The following CDH13 variants were observed in gnomAD, a reference collection of about 807,000 sequenced individuals.
CDH13 encodes cadherin-13.
Under a neutral mutation model 63.8 loss-of-function variants are expected in CDH13, and 24 were observed. The observed-to-expected ratio is 0.38, with a 90% CI of 0.27 to 0.53. CDH13 has a LOEUF of 0.53. Ranked by LOEUF, CDH13 falls within the 20% of genes least tolerant of loss-of-function variation. The pLI, the probability that CDH13 is intolerant of heterozygous loss-of-function variation, is 0.85. For synonymous variants in CDH13, 503 were observed against 355.3 expected (o/e 1.42, Z -4.67); for missense variants, 1,049 against 903.1 (o/e 1.16, Z -2.07).
At chr16:83,592,882 A>T (rs1906895392) in intron 7 of CDH13, among the ~76,000 whole-genome samples, 1 of 152,238 alleles carries the variant, frequency 6.6e-6, no homozygotes, top group Non-Finnish European at 1.5e-5. Context: ...AACACAAGTC[A>T]AACCAGGCTC....
At chr16:82,669,012 G>T (rs187294113) in intron 1 of CDH13, among the ~76,000 whole-genome samples, 155 of 152,262 alleles carry the variant, frequency 1.0e-3, no homozygotes, top group Non-Finnish European at 1.6e-3. Context: ...TTTTCATATT[G>T]CTCTCATTGC....
intron 6 of CDH13, among the ~76,000 whole-genome samples, chr16:83,434,847 A>ATATG (rs1555548320): frequency 2.5e-5 from 2 of 81,522 alleles, no homozygotes; most frequent in Middle Eastern, 7.6e-3. Context: ...ATATATATAT[A>ATATG]TGTGTGTGCG....
chr16:82,842,129 T>C (rs370949442), intron 1 of CDH13, among the ~76,000 whole-genome samples: 8 of 48,686 alleles, frequency 1.6e-4, no homozygotes, highest in Non-Finnish European at 2.4e-4. Context: ...TATATATATA[T>C]ATATATATAC....
At chr16:83,548,079 G>C (rs1031846273) in intron 7 of CDH13, among the ~76,000 whole-genome samples, 6 of 146,308 alleles carry the variant, frequency 4.1e-5, no homozygotes, top group Non-Finnish European at 9.1e-5. Context: ...CTTGCTGCCA[G>C]ATAGATTGGA....
intron 2 of CDH13, among the ~76,000 whole-genome samples, chr16:83,007,739 A>T (rs764391181): frequency 6.6e-6 from 1 of 151,538 alleles, no homozygotes; most frequent in Non-Finnish European, 1.5e-5. Context: ...TGGGAGGATC[A>T]CTTGAACCCA....
At chr16:82,812,975 A>G (rs879696115) in intron 1 of CDH13, among the ~76,000 whole-genome samples, 8 of 152,132 alleles carry the variant, frequency 5.3e-5, no homozygotes, top group East Asian at 1.9e-4. Context: ...ACTTCAAAAC[A>G]TAAGAGGGAC....
chr16:83,600,302 G>T (rs1907664906), intron 7 of CDH13, among the ~76,000 whole-genome samples: 1 of 152,166 alleles, frequency 6.6e-6, no homozygotes, highest in Non-Finnish European at 1.5e-5. Context: ...GAAACATGAG[G>T]CGTAGAGCCA....
chr16:82,654,403 G>A (rs1300339844), intron 1 of CDH13, among the ~76,000 whole-genome samples: 1 of 152,184 alleles, frequency 6.6e-6, no homozygotes, highest in Non-Finnish European at 1.5e-5. Context: ...ATATAACATT[G>A]TGTGAATGTT....
intron 1 of CDH13, among the ~76,000 whole-genome samples, chr16:82,676,497 T>A (rs1243691372): frequency 6.7e-6 from 1 of 149,740 alleles, no homozygotes; most frequent in African/African-American, 2.5e-5. Flanking sequence ...TTTTTTTTTT[T>A]TTTTTTTTTT....
chr16:82,972,940 C>A (rs1417649385), intron 2 of CDH13, among the ~76,000 whole-genome samples: 1 of 152,136 alleles, frequency 6.6e-6, no homozygotes, highest in Non-Finnish European at 1.5e-5. Flanking sequence ...AGAATCACCA[C>A]TTTATTTTTT....
intron 6 of CDH13, among the ~76,000 whole-genome samples, chr16:83,452,855 A>G (rs912103480): frequency 1.3e-5 from 2 of 152,204 alleles, no homozygotes; most frequent in South Asian, 2.1e-4. Flanking sequence ...TCATATTATT[A>G]GTCTCAGTCA....
chr16:83,031,874 G>A lies in CDH13; in HGVS notation c.158-136G>A, dbSNP rs919884884. 1.0e-5 allele frequency: 7 copies of A among 686,706 alleles called. No individual in the cohort carries two copies. The South Asian group carries it at 1.3e-4, about 13-fold the overall frequency. 42.5% of individuals were successfully genotyped at this position (686,706 alleles called of 1,614,324 possible). On this transcript the variant is annotated intron_variant, in intron 2 of 13. Coordinates refer to ENST00000567109, the MANE Select transcript of CDH13 (RefSeq NM_001257.5). Reference sequence around the variant, plus strand: ...GTCACTTGGGCACAGGCATCTTGCTGTGGGATAAAACGTAACATTTGTGAA... The same window carrying A: ...GTCACTTGGGCACAGGCATCTTGCTATGGGATAAAACGTAACATTTGTGAA...
chr16:82,814,955 C>G (rs527823126), intron 1 of CDH13, among the ~76,000 whole-genome samples: 262 of 152,284 alleles, frequency 1.7e-3, no homozygotes, highest in Middle Eastern at 0.014. Flanking sequence ...GAAAAACCCA[C>G]TCATACTTGG....
chr16:83,442,174 C>T (rs1010065652), intron 6 of CDH13, among the ~76,000 whole-genome samples: 9 of 152,170 alleles, frequency 5.9e-5, no homozygotes, highest in Admixed American at 5.9e-4. Flanking sequence ...GTTTATTATT[C>T]ACTGAGTGCC....
intron 3 of CDH13, among the ~76,000 whole-genome samples, chr16:83,096,270 G>T (rs917317501): frequency 6.6e-6 from 1 of 152,178 alleles, no homozygotes; most frequent in African/African-American, 2.4e-5. Context: ...GAGCTATATA[G>T]TATTAGTCTG....
At chr16:82,945,921 G>T (rs371907433) in intron 2 of CDH13, among the ~76,000 whole-genome samples, 23 of 152,190 alleles carry the variant, frequency 1.5e-4, no homozygotes, top group South Asian at 1.2e-3. Context: ...CCACAGTTTG[G>T]CTGTCATTTC....
chr16:83,396,908 C>G (rs2091895009), intron 6 of CDH13, among the ~76,000 whole-genome samples: 1 of 152,184 alleles, frequency 6.6e-6, no homozygotes, highest in African/African-American at 2.4e-5. Context: ...CAGGTAGCTT[C>G]TATCATTGTC....
chr16:83,683,058 C>T (rs189738047), intron 10 of CDH13, among the ~76,000 whole-genome samples: 1 of 152,234 alleles, frequency 6.6e-6, no homozygotes, highest in Non-Finnish European at 1.5e-5. Context: ...GGCCAGACAC[C>T]CTTTCATCTC....
At chr16:82,997,739 A>C (rs1050912434) in intron 2 of CDH13, among the ~76,000 whole-genome samples, 1 of 152,192 alleles carries the variant, frequency 6.6e-6, no homozygotes, top group Non-Finnish European at 1.5e-5. Flanking sequence ...TATATCTAAC[A>C]TAGAAGTTCA....
Sources: allele counts gnomAD v4.1 joint callset (sites outside exome capture counted in the v4.1 genomes callset), GRCh38; gene constraint gnomAD v4.1.1; transcripts MANE v1.5; gene names NCBI Gene and HGNC (gene_info 2026-07-23, HGNC 2026-07-21).